Variants in KDM4A observed in about 807,000 individuals in gnomAD.
KDM4A encodes the protein lysine demethylase 4A.
In KDM4A, 23 loss-of-function variants were observed where a neutral mutation model predicts 127.1. That is an observed-to-expected ratio of 0.18 (90% CI 0.13 to 0.26). The LOEUF (loss-of-function observed/expected upper bound fraction) is 0.26, where lower values mean the gene tolerates loss of function less well. Among genes scored for constraint, KDM4A ranks in the 10% least tolerant of loss-of-function variants. The pLI is 1.00. For synonymous variants in KDM4A, 443 were observed against 466.5 expected (o/e 0.95, Z 0.65); for missense variants, 890 against 1,329.1 (o/e 0.67, Z 5.14).
chr1:43,652,472 G>T (rs1261136698), intron 1 of KDM4A, among the ~76,000 whole-genome samples: 4 of 151,438 alleles, frequency 2.6e-5, no homozygotes, highest in Non-Finnish European at 5.9e-5. Context: ...GAACCTTTTC[G>T]ATCTGTATTT....
intron 11 of KDM4A, 50 bp downstream of exon 11, chr1:43,671,925 C>T (rs1341930063): frequency 6.7e-7 from 1 of 1,501,902 alleles, no homozygotes; most frequent in Non-Finnish European, 8.9e-7. Flanking sequence ...CTGGAGGACA[C>T]CCTGTCGGGA....
At chr1:43,673,377 C>T (rs538598061) in intron 11 of KDM4A, among the ~76,000 whole-genome samples, 5 of 152,288 alleles carry the variant, frequency 3.3e-5, no homozygotes, top group African/African-American at 4.8e-5. Flanking sequence ...CACGAGCCCC[C>T]GCGTGTACTC....
chr1:43,692,522 C>G (rs1203186037), intron 16 of KDM4A, among the ~76,000 whole-genome samples: 2 of 152,224 alleles, frequency 1.3e-5, no homozygotes, highest in African/African-American at 4.8e-5. Context: ...AGCTGCTCCT[C>G]TGCAGCAGAG....
At chr1:43,654,387 A>G (rs1660186241) in intron 2 of KDM4A, among the ~76,000 whole-genome samples, 1 of 152,060 alleles carries the variant, frequency 6.6e-6, no homozygotes, top group South Asian at 2.1e-4. Context: ...AAATAGTGTT[A>G]TTTGTTTTGT....
intron 4 of KDM4A, among the ~76,000 whole-genome samples, chr1:43,661,369 G>A (rs1387002305): frequency 6.6e-6 from 1 of 151,742 alleles, no homozygotes; most frequent in Non-Finnish European, 1.5e-5. Flanking sequence ...AGCACTTTGG[G>A]AGGCTGAGGT....
Position 43,694,784 on chromosome 1 carries a change from A to G in KDM4A, c.2560A>G (p.Thr854Ala), listed in dbSNP as rs1570872347. ...GCAGTGTTCTCACGGCCGCTGCCCA[A>G]CTGCCTTCCATGTGAGCTGCGCCCA... ...CVQCSHGRCP[T>A]AFHVSCAQAA... The change falls in exon 18 of 22, where the codon ACT (threonine) becomes GCT (alanine). Residue 854 changes from threonine (T) to alanine (A), a missense_variant. Transcript: ENST00000372396. This position sits in a 1 kb window ranked among gnomAD's most constrained non-coding sequence, Gnocchi z 5.2. 6.2e-7 allele frequency: 1 copy of G among 1,614,110 alleles called. No individual in the cohort carries two copies. Among genetic ancestry groups the G allele is most frequent in the Non-Finnish European group, 8.5e-7 (1 of 1,179,982 alleles).
Position 43,683,670 on chromosome 1 carries a change from T to C in KDM4A, c.1735-14T>C, listed in dbSNP as rs1660907683. On this transcript the variant is annotated splice_polypyrimidine_tract_variant and intron_variant, in intron 11 of 21. Transcript: ENST00000372396. ...TGGAGACAAGACCAATTTAATTTCTTGTGGTTTGCCCAGGTTGCAGATGAA... is the reference window on the plus strand; with the variant it reads ...TGGAGACAAGACCAATTTAATTTCTCGTGGTTTGCCCAGGTTGCAGATGAA... 4 of 1,610,322 alleles carry C rather than the reference T, an allele frequency of 2.5e-6. No homozygotes were observed. Among genetic ancestry groups the C allele is most frequent in the Non-Finnish European group, 2.5e-6 (3 of 1,177,928 alleles).
At chr1:43,657,100 T>G (rs1660261605) in intron 3 of KDM4A, among the ~76,000 whole-genome samples, 1 of 151,400 alleles carries the variant, frequency 6.6e-6, no homozygotes, top group African/African-American at 2.4e-5. Context: ...GCTGCCCAGT[T>G]TGGTCTTGAA....
intron 3 of KDM4A, among the ~76,000 whole-genome samples, chr1:43,656,945 C>G (rs908197336): frequency 1.3e-5 from 2 of 151,858 alleles, no homozygotes; most frequent in African/African-American, 4.8e-5. Context: ...TACTGTCACC[C>G]AAGTTGGAGT....
rs575982106 is a variant in KDM4A, at chr1:43,681,793, T to C, written c.1735-1891T>C. Among the ~76,000 whole-genome samples the C allele has an allele frequency of 7.2e-5, 11 of 152,298 alleles. No homozygotes were observed. In the South Asian group the frequency reaches 2.3e-3, roughly 32 times the overall value. ...GAACTTTGTTTTTATCTTAACCTTT[T>C]ATAGTCTGTTTTTGCTTTAAAATAT... On this transcript the variant is annotated intron_variant, in intron 11 of 21. Transcript: ENST00000372396.
chr1:43,701,209 AC>A (rs1661382969), intron 19 of KDM4A, among the ~76,000 whole-genome samples: 1 of 152,138 alleles, frequency 6.6e-6, no homozygotes, highest in African/African-American at 2.4e-5. Flanking sequence ...ATGAGCCACC[AC>A]GCCCGGCCAT....
chr1:43,655,811 G>T, intron 3 of KDM4A, 45 bp downstream of exon 3: 1 of 1,515,754 alleles, frequency 6.6e-7, no homozygotes, highest in Non-Finnish European at 9.0e-7. Context: ...CTAGGACCCT[G>T]GTGTCTCATC....
At chr1:43,653,356 A>G (rs1336549036) in intron 2 of KDM4A, 43 bp downstream of exon 2, 2 of 1,534,574 alleles carry the variant, frequency 1.3e-6, no homozygotes, top group African/African-American at 1.5e-5. Context: ...TACCTAGGGC[A>G]GAGCAGTAAG....
chr1:43,676,322 C>T (rs1454205558), intron 11 of KDM4A, among the ~76,000 whole-genome samples: 1 of 151,862 alleles, frequency 6.6e-6, no homozygotes, highest in East Asian at 1.9e-4. Flanking sequence ...ACAGTGAACC[C>T]ACAAATAATT....
chr1:43,669,571 C>T (rs1007964667), intron 10 of KDM4A, among the ~76,000 whole-genome samples: 2 of 151,718 alleles, frequency 1.3e-5, no homozygotes, highest in African/African-American at 2.4e-5. Flanking sequence ...AGGACCTTCC[C>T]AGGCGGACAG....
rs1660485824 is a variant in KDM4A, at chr1:43,665,686, G to A, written c.624-10G>A. 1 of 1,613,944 alleles carries A rather than the reference G, an allele frequency of 6.2e-7. No individual in the cohort carries two copies. Among genetic ancestry groups the A allele is most frequent in the Non-Finnish European group, 8.5e-7 (1 of 1,179,866 alleles). ...TCCACCCAGCCTCTGATGCTCTCAT[G>A]TGATTGCAGGTACTCTGTTCCACCT... On this transcript the variant is annotated splice_polypyrimidine_tract_variant and intron_variant, in intron 5 of 21. Coordinates refer to ENST00000372396, the MANE Select transcript of KDM4A (RefSeq NM_014663.3).
intron 11 of KDM4A, among the ~76,000 whole-genome samples, chr1:43,683,288 T>C (rs532977949): frequency 3.3e-5 from 5 of 152,240 alleles, no homozygotes; most frequent in Non-Finnish European, 5.9e-5. Context: ...CAGGTACTGT[T>C]GACCTACTGG....
At chr1:43,682,783 G>A (rs936921452) in intron 11 of KDM4A, among the ~76,000 whole-genome samples, 1 of 152,208 alleles carries the variant, frequency 6.6e-6, no homozygotes, top group Non-Finnish European at 1.5e-5. Flanking sequence ...CATGGAGTCT[G>A]TAGGCCCAGG....
chr1:43,652,432 A>C (rs1660135171), intron 1 of KDM4A, among the ~76,000 whole-genome samples: 2 of 152,014 alleles, frequency 1.3e-5, no homozygotes, highest in Admixed American at 1.3e-4. Flanking sequence ...GAATCCATGC[A>C]GTTTTGATAC....
Sources: allele counts gnomAD v4.1 joint callset (sites outside exome capture counted in the v4.1 genomes callset), GRCh38; gene constraint gnomAD v4.1.1; non-coding constraint Gnocchi (gnomAD v3.1); transcripts MANE v1.5; gene names NCBI Gene and HGNC (gene_info 2026-07-23, HGNC 2026-07-21).